ARHGEF12: variants seen among roughly 807,000 people sequenced by gnomAD.
The protein encoded by ARHGEF12 is Rho guanine nucleotide exchange factor 12.
ARHGEF12 carries 66 observed loss-of-function variants against 211.2 expected under a neutral mutation model. That is an observed-to-expected ratio of 0.31 (90% CI 0.26 to 0.38). The LOEUF (loss-of-function observed/expected upper bound fraction) is 0.38, where lower values mean the gene tolerates loss of function less well. Ranked by LOEUF, ARHGEF12 falls within the 10% of genes least tolerant of loss-of-function variation. The pLI is 1.00. For synonymous variants in ARHGEF12, 592 were observed against 638.4 expected (o/e 0.93, Z 1.09); for missense variants, 1,429 against 1,869.5 (o/e 0.76, Z 4.34).
chr11:120,374,806 AATTC>A (rs1457706034), intron 1 of ARHGEF12, among the ~76,000 whole-genome samples: 12 of 152,224 alleles, frequency 7.9e-5, no homozygotes, highest in Non-Finnish European at 1.3e-4. Context: ...TTTTATGACT[AATTC>A]ATTACATTGA....
intron 13 of ARHGEF12, among the ~76,000 whole-genome samples, chr11:120,440,488 T>A (rs949074653): frequency 1.3e-5 from 2 of 152,092 alleles, no homozygotes; most frequent in Non-Finnish European, 2.9e-5. Context: ...ATAGTATTTT[T>A]AAAAAAAATT....
chr11:120,419,664 C>T (rs1945126357), intron 4 of ARHGEF12, among the ~76,000 whole-genome samples: 1 of 151,766 alleles, frequency 6.6e-6, no homozygotes, highest in Admixed American at 6.6e-5. Context: ...TATATGTTTT[C>T]TATGAGCCAT....
At chr11:120,461,034 C>T (rs895060963) in intron 27 of ARHGEF12, among the ~76,000 whole-genome samples, 4 of 152,146 alleles carry the variant, frequency 2.6e-5, no homozygotes, top group Admixed American at 2.6e-4. Context: ...TTGCAGTTAC[C>T]TCTTCCACTG....
intron 1 of ARHGEF12, among the ~76,000 whole-genome samples, chr11:120,353,111 A>G (rs1943033120): frequency 6.6e-6 from 1 of 152,196 alleles, no homozygotes; most frequent in African/African-American, 2.4e-5. Flanking sequence ...ACTGGAGTCA[A>G]TTTCAGAAGT....
At chr11:120,435,781 G>A (rs1210563415) in intron 11 of ARHGEF12, among the ~76,000 whole-genome samples, 1 of 151,996 alleles carries the variant, frequency 6.6e-6, no homozygotes, top group Non-Finnish European at 1.5e-5. Flanking sequence ...CTCCCAAAGT[G>A]CTGGGATTAC....
At chr11:120,353,513 C>G (rs1290769388) in intron 1 of ARHGEF12, among the ~76,000 whole-genome samples, 1 of 152,162 alleles carries the variant, frequency 6.6e-6, no homozygotes, top group Non-Finnish European at 1.5e-5. Context: ...ACTATCCATC[C>G]AGTCCCTTCC....
intron 18 of ARHGEF12, 126 bp downstream of exon 18, chr11:120,447,211 G>A (rs1946072127): frequency 1.4e-5 from 15 of 1,081,858 alleles, no homozygotes; most frequent in East Asian, 2.9e-5. Flanking sequence ...TTTTGTCATA[G>A]TACTTGAGAA....
At chr11:120,443,593 A>G (rs555649824) in intron 15 of ARHGEF12, among the ~76,000 whole-genome samples, 2 of 152,172 alleles carry the variant, frequency 1.3e-5, no homozygotes, top group East Asian at 3.9e-4. Flanking sequence ...TTCACATTCA[A>G]TTACCTACTC....
At chr11:120,395,056 C>CAAAAAAAAAAAAAAAAAA (rs758953056) in intron 1 of ARHGEF12, among the ~76,000 whole-genome samples, 2 of 34,588 alleles carry the variant, frequency 5.8e-5, no homozygotes, top group Non-Finnish European at 1.3e-4. Context: ...GACTCTATCT[C>CAAAAAAAAAAAAAAAAAA]AAAAAAAAAA....
intron 1 of ARHGEF12, among the ~76,000 whole-genome samples, chr11:120,388,718 G>A (rs1432987699): frequency 6.6e-6 from 1 of 152,050 alleles, no homozygotes; most frequent in East Asian, 1.9e-4. Context: ...GACTAAAAAT[G>A]TTTAACATAT....
rs911308051 is a variant in ARHGEF12, at chr11:120,486,110, GT to G, written c.*1036del. ...AGGGTGGGATGGGAGTGGGTAAAGA[GT>G]TTGGGAAGGTTATCTAACTGAATCA... On this transcript the variant is annotated 3_prime_UTR_variant, in exon 41 of 41. Transcript: ENST00000397843. 1 of 233,420 alleles carries G rather than the reference GT, an allele frequency of 4.3e-6. No homozygotes were observed. Among genetic ancestry groups the G allele is most frequent in the Non-Finnish European group, 8.5e-6 (1 of 117,988 alleles). The allele number at this position is 233,420 out of a possible 1,614,324, so 14.5% of individuals were successfully genotyped here.
At position 120,351,482 on chromosome 11, in the gene ARHGEF12, G is replaced by T. The variant is rs796365663; in HGVS notation, c.32+14207G>T. The stretch of plus-strand genomic sequence containing the variant: ...TTTTTTTTTTTTTTTTTTTTTTTTT[G>T]AGACAAAGTCTCGCTCTGTTGCCCA... On this transcript the variant is annotated intron_variant, in intron 1 of 40. Transcript: ENST00000397843. Among the ~76,000 whole-genome samples the T allele has an allele frequency of 1.9e-3, 68 of 35,574 alleles. 7 individuals carry two copies. The South Asian group carries it at 0.052, about 27-fold the overall frequency. 23.3% of individuals were successfully genotyped at this position (35,574 alleles called of 152,430 possible).
rs1211844775 is a variant in ARHGEF12 at position 120,336,560 on chromosome 11, C to T, written c.-684C>T. Among the ~76,000 whole-genome samples the T allele has an allele frequency of 6.6e-6, 1 of 152,040 alleles. No homozygotes were observed. The highest frequency in any genetic ancestry group is 1.5e-5 in the Non-Finnish European group (1 of 67,964). On this transcript the variant is annotated 5_prime_UTR_variant, in exon 1 of 41. Transcript: ENST00000397843. ...CCGCCTCTGGCGATTGCGGAAGAGT[C>T]CGGGCCTCAAAGGGATGGGGAGCAG...
At chr11:120,450,503 AAGG>A (rs1946178379) in intron 21 of ARHGEF12, 1 of 152,130 alleles carries the variant, frequency 6.6e-6, no homozygotes, top group African/African-American at 2.4e-5. Flanking sequence ...AAACATTGAG[AAGG>A]TGTGAAATTT....
chr11:120,463,581 G>C (rs941686837), intron 27 of ARHGEF12: 2 of 151,638 alleles, frequency 1.3e-5, no homozygotes, highest in African/African-American at 4.8e-5. Context: ...CTTGAGTTTG[G>C]GGGCATTATT....
At chr11:120,338,696 C>G (rs1291310745) in intron 1 of ARHGEF12, among the ~76,000 whole-genome samples, 2 of 152,100 alleles carry the variant, frequency 1.3e-5, no homozygotes, top group Admixed American at 6.5e-5. Context: ...TGTTTTCCTG[C>G]TTCATTCAAT....
intron 1 of ARHGEF12, among the ~76,000 whole-genome samples, chr11:120,339,009 T>TC (rs1257234764): frequency 1.0e-4 from 15 of 148,180 alleles, no homozygotes; most frequent in African/African-American, 2.2e-4. Flanking sequence ...CTTTTTCTTT[T>TC]TTTTTTTTTT....
At chr11:120,478,420 C>T in intron 37 of ARHGEF12, 31 bp downstream of exon 37, 2 of 1,574,280 alleles carry the variant, frequency 1.3e-6, no homozygotes, top group Middle Eastern at 1.7e-4. Context: ...ATTACAGATA[C>T]TTACTAAGTA....
Position 120,406,161 on chromosome 11 carries a change from C to A in ARHGEF12, c.56+20C>A. ...TATAAGGTAAGTTTGCTCAATTACACTTCATACTCAAGTTTAGGTTATATT... is the reference window on the plus strand; with the variant it reads ...TATAAGGTAAGTTTGCTCAATTACAATTCATACTCAAGTTTAGGTTATATT... On this transcript the variant is annotated intron_variant, in intron 2 of 40. Transcript: ENST00000397843. The A allele has an allele frequency of 6.7e-7, 1 of 1,492,306 alleles. No individual in the cohort carries two copies. The highest frequency in any genetic ancestry group is 8.9e-7 in the Non-Finnish European group (1 of 1,118,602). The allele number at this position is 1,492,306 out of a possible 1,614,324, so 92.4% of individuals were successfully genotyped here.
Sources: allele counts gnomAD v4.1 joint callset (sites outside exome capture counted in the v4.1 genomes callset), GRCh38; gene constraint gnomAD v4.1.1; transcripts MANE v1.5; gene names NCBI Gene and HGNC (gene_info 2026-07-23, HGNC 2026-07-21).